MMP26: variants seen among roughly 807,000 people sequenced by gnomAD.
MMP26 encodes matrix metalloproteinase-26.
In MMP26, 33 loss-of-function variants were observed where a neutral mutation model predicts 31.0. The ratio of observed to expected loss-of-function variants is 1.06; its 90% CI spans 0.81 to 1.42. The LOEUF (loss-of-function observed/expected upper bound fraction) is 1.42, where lower values mean the gene tolerates loss of function less well. MMP26 is among the 40% of genes most tolerant of loss of function. MMP26 has a pLI of 0.00. For missense variants in MMP26, 347 were observed against 316.1 expected, an observed-to-expected ratio of 1.10 and a Z score of -0.74; for synonymous variants, 122 against 114.9, an observed-to-expected ratio of 1.06 and a Z score of -0.40.
intron 2 of MMP26, among the ~76,000 whole-genome samples, chr11:4,816,706 T>TC (rs1332405498): frequency 4.2e-5 from 6 of 142,020 alleles, no homozygotes; most frequent in African/African-American, 1.6e-4. Context: ...TCTTTTTTTT[T>TC]TTTTTTTTTT....
intron 2 of MMP26, among the ~76,000 whole-genome samples, chr11:4,981,306 A>G (rs1465985990): frequency 1.3e-5 from 2 of 152,138 alleles, no homozygotes; most frequent in Admixed American, 6.6e-5. Flanking sequence ...ATGCATTGTC[A>G]TGAGAACATC....
intron 2 of MMP26, among the ~76,000 whole-genome samples, chr11:4,820,604 C>CT (rs1589910904): frequency 6.6e-6 from 1 of 151,912 alleles, no homozygotes; most frequent in Non-Finnish European, 1.5e-5. Flanking sequence ...TACCTGCCTC[C>CT]ACCTTCACTA....
chr11:4,838,315 TAAAAAAAAAAAA>T (rs540572047), intron 2 of MMP26, among the ~76,000 whole-genome samples: 5 of 27,416 alleles, frequency 1.8e-4, no homozygotes, highest in Non-Finnish European at 3.0e-4. Context: ...AGACTCTGTC[TAAAAAAAAAAAA>T]AAAAAAAAAA....
At chr11:4,936,932 G>A (rs1474545982) in intron 2 of MMP26, among the ~76,000 whole-genome samples, 1 of 152,074 alleles carries the variant, frequency 6.6e-6, no homozygotes, top group African/African-American at 2.4e-5. Context: ...AGGTGACCTC[G>A]AATTAGATCA....
chr11:4,813,000 T>C (rs1345499473), intron 2 of MMP26, among the ~76,000 whole-genome samples: 1 of 145,162 alleles, frequency 6.9e-6, no homozygotes, highest in Non-Finnish European at 1.5e-5. Flanking sequence ...TATGTGCGAG[T>C]GTGTGTGTGT....
rs773967369 is a variant in MMP26 at position 4,923,916 on chromosome 11, A to G, written c.-144-64152A>G. 9.9e-6 allele frequency: 16 copies of G among 1,614,044 alleles called. No individual in the cohort carries two copies. The highest frequency in any genetic ancestry group is 5.3e-5 in the African/African-American group (4 of 74,944). ...GAGCTTAGCCCCATCTTGACAATAC[A>G]TGCAGGTGTCAGGACGGTGGAGTCA... On this transcript the variant is annotated intron_variant, in intron 2 of 7. Coordinates refer to ENST00000380390, the MANE Select transcript of MMP26 (RefSeq NM_021801.5).
intron 2 of MMP26, among the ~76,000 whole-genome samples, chr11:4,854,348 C>G (rs142878271): frequency 0.013 from 2,043 of 152,278 alleles, 49 homozygotes; most frequent in African/African-American, 0.044. Flanking sequence ...CCAGGAAAAT[C>G]GGGACACTCC....
intron 2 of MMP26, among the ~76,000 whole-genome samples, chr11:4,927,278 A>C (rs1851286063): frequency 6.6e-6 from 1 of 152,176 alleles, no homozygotes; most frequent in African/African-American, 2.4e-5. Context: ...TTTAGTATAG[A>C]GCTTAATTGT....
intron 2 of MMP26, chr11:4,946,826 G>A: frequency 6.3e-7 from 1 of 1,587,456 alleles, no homozygotes; most frequent in East Asian, 2.2e-5. Context: ...TGAAATTTCA[G>A]GAGCATTGAA....
chr11:4,755,682 A>G (rs1031702176), intron 1 of MMP26, among the ~76,000 whole-genome samples: 1 of 152,062 alleles, frequency 6.6e-6, no homozygotes, highest in African/African-American at 2.4e-5. Flanking sequence ...GCAAAGAAAT[A>G]TACAGTGTTG....
At chr11:4,913,938 C>A (rs1012883821) in intron 2 of MMP26, 2 of 152,172 alleles carry the variant, frequency 1.3e-5, no homozygotes, top group Non-Finnish European at 2.9e-5. Flanking sequence ...TAGGGGAAGA[C>A]AACTCCCAAA....
intron 2 of MMP26, among the ~76,000 whole-genome samples, chr11:4,870,236 T>C (rs1418137338): frequency 1.3e-5 from 2 of 151,760 alleles, no homozygotes; most frequent in Admixed American, 6.6e-5. Flanking sequence ...AAAAAAGAAA[T>C]AAAGAACACT....
intron 1 of MMP26, among the ~76,000 whole-genome samples, chr11:4,759,567 C>T (rs1848547472): frequency 6.6e-6 from 1 of 152,110 alleles, no homozygotes; most frequent in South Asian, 2.1e-4. Context: ...AGGTAATAAA[C>T]AATGTTTATA....
At chr11:4,727,184 G>A (rs1027242043) in intron 1 of MMP26, among the ~76,000 whole-genome samples, 6 of 151,916 alleles carry the variant, frequency 3.9e-5, no homozygotes, top group Non-Finnish European at 7.4e-5. Context: ...AAACAAATAA[G>A]AAAATAAAAA....
At chr11:4,830,607 C>T (rs1200583336) in intron 2 of MMP26, among the ~76,000 whole-genome samples, 1 of 152,170 alleles carries the variant, frequency 6.6e-6, no homozygotes, top group Non-Finnish European at 1.5e-5. Flanking sequence ...TGAAGGGAGA[C>T]AGATGTTGTG....
At chr11:4,891,677 A>T (rs898946506) in intron 2 of MMP26, among the ~76,000 whole-genome samples, 1 of 152,188 alleles carries the variant, frequency 6.6e-6, no homozygotes, top group Non-Finnish European at 1.5e-5. Flanking sequence ...ACCTTTTTGT[A>T]TGATAATGAT....
At chr11:4,783,944 T>C (rs1167937682) in intron 2 of MMP26, among the ~76,000 whole-genome samples, 1 of 152,216 alleles carries the variant, frequency 6.6e-6, no homozygotes, top group African/African-American at 2.4e-5. Flanking sequence ...TAAACCTCTT[T>C]CTTTTGTAAA....
intron 2 of MMP26, among the ~76,000 whole-genome samples, chr11:4,815,741 T>C (rs569444495): frequency 1.2e-4 from 18 of 152,306 alleles, no homozygotes; most frequent in African/African-American, 3.6e-4. Context: ...ATGGATGCTA[T>C]GTAAAATAAT....
At chr11:4,922,196 G>T (rs994337301) in intron 2 of MMP26, among the ~76,000 whole-genome samples, 3 of 152,156 alleles carry the variant, frequency 2.0e-5, no homozygotes, top group Non-Finnish European at 4.4e-5. Context: ...TAGGTAACTT[G>T]CTTCTAGCTC....
Sources: allele counts gnomAD v4.1 joint callset (sites outside exome capture counted in the v4.1 genomes callset), GRCh38; gene constraint gnomAD v4.1.1; transcripts MANE v1.5; gene names NCBI Gene and HGNC (gene_info 2026-07-23, HGNC 2026-07-21).